Variants in FMN1 observed in about 807,000 individuals in gnomAD.
FMN1 encodes formin-1.
In FMN1, 110 loss-of-function variants were observed where a neutral mutation model predicts 132.4. The ratio of observed to expected loss-of-function variants is 0.83; its 90% CI spans 0.71 to 0.97. The LOEUF (loss-of-function observed/expected upper bound fraction) is 0.97. FMN1 is among the 50% of genes least tolerant of loss of function. FMN1 has a pLI of 0.00. For missense variants in FMN1, 1,792 were observed against 1,705.3 expected (o/e 1.05, Z -0.90); for synonymous variants, 722 against 651.7 (o/e 1.11, Z -1.64).
At chr15:33,019,562 G>A (rs345839) in intron 6 of FMN1, among the ~76,000 whole-genome samples, 1 of 151,920 alleles carries the variant, frequency 6.6e-6, no homozygotes, top group South Asian at 2.1e-4. Flanking sequence ...CTCTGGCAGC[G>A]CAGAAGCCCG....
chr15:32,990,790 G>A (rs1389899876), intron 7 of FMN1, among the ~76,000 whole-genome samples: 1 of 152,150 alleles, frequency 6.6e-6, no homozygotes, highest in African/African-American at 2.4e-5. Context: ...AAGCAAACAT[G>A]TCCTTCTTCA....
chr15:33,144,847 G>T (rs186859435), intron 4 of FMN1, among the ~76,000 whole-genome samples: 236 of 152,148 alleles, frequency 1.6e-3, no homozygotes, highest in Non-Finnish European at 2.0e-3. Flanking sequence ...AATACCAAAA[G>T]GAGTGGGATT....
intron 7 of FMN1, among the ~76,000 whole-genome samples, chr15:33,003,849 T>C (rs1469325261): frequency 3.3e-5 from 5 of 152,106 alleles, no homozygotes; most frequent in African/African-American, 1.2e-4. Flanking sequence ...AACAGAGATA[T>C]AGATCAATGG....
intron 17 of FMN1, among the ~76,000 whole-genome samples, chr15:32,815,790 G>A (rs1229675414): frequency 6.6e-6 from 1 of 152,200 alleles, no homozygotes; most frequent in Non-Finnish European, 1.5e-5. Flanking sequence ...TAATGATGGT[G>A]ATGAACATTC....
chr15:33,036,970 G>A (rs2036220284), intron 6 of FMN1, among the ~76,000 whole-genome samples: 2 of 152,194 alleles, frequency 1.3e-5, no homozygotes, highest in Admixed American at 6.5e-5. Flanking sequence ...AGGAGACAAA[G>A]GAGAATCCAC....
Position 32,856,997 on chromosome 15 carries a change from G to A in FMN1, c.3928+18C>T, listed in dbSNP as rs199614323. 12 of 1,570,360 alleles carry A rather than the reference G, an allele frequency of 7.6e-6. No individual in the cohort carries two copies. In the East Asian group the frequency reaches 2.2e-4, roughly 29 times the overall value. ...TGTTTCAGGGCCACGTGTATGTGCGGCTGACAAAGCTTCCTACCTTTTTGG... is the reference window on the plus strand; with the variant it reads ...TGTTTCAGGGCCACGTGTATGTGCGACTGACAAAGCTTCCTACCTTTTTGG... On this transcript the variant is annotated intron_variant, in intron 17 of 20. Coordinates refer to ENST00000616417, the MANE Select transcript of FMN1 (RefSeq NM_001277313.2).
intron 2 of FMN1, among the ~76,000 whole-genome samples, chr15:33,181,180 T>G (rs1470006332): frequency 6.6e-6 from 1 of 152,202 alleles, no homozygotes; most frequent in Non-Finnish European, 1.5e-5. Flanking sequence ...GGGGCTCACA[T>G]GAGGCCACTC....
At position 32,949,594 on chromosome 15, in the gene FMN1, T is replaced by A. The variant is rs527289064; in HGVS notation, c.3138+14513A>T. ...CATTTAAATGTAAAACCCAAAACTA[T>A]AAAAACTCTAGAAGACAACCTAGGC... On this transcript the variant is annotated intron_variant, in intron 9 of 20. Coordinates refer to ENST00000616417, the MANE Select transcript of FMN1 (RefSeq NM_001277313.2). Among the ~76,000 whole-genome samples, 103 of 151,994 alleles carry A rather than the reference T, an allele frequency of 6.8e-4. 1 individual carries two copies. The highest frequency in any genetic ancestry group is 1.3e-3 in the Admixed American group (20 of 15,264).
chr15:33,000,350 G>A (rs1164143624), intron 7 of FMN1, among the ~76,000 whole-genome samples: 2 of 151,914 alleles, frequency 1.3e-5, no homozygotes, highest in South Asian at 2.1e-4. Context: ...TCGGGAGGCT[G>A]AGGCAGGAGA....
chr15:33,090,233 G>C (rs549625522), intron 4 of FMN1, among the ~76,000 whole-genome samples: 1 of 152,270 alleles, frequency 6.6e-6, no homozygotes, highest in African/African-American at 2.4e-5. Flanking sequence ...CATAATCCCT[G>C]TAAGAGTCTA....
chr15:33,126,062 G>T (rs1172629439), intron 4 of FMN1, among the ~76,000 whole-genome samples: 1 of 152,172 alleles, frequency 6.6e-6, no homozygotes, highest in African/African-American at 2.4e-5. Context: ...AGATAAGGTG[G>T]ATGAAAGGGC....
At chr15:33,062,952 C>A (rs958246710) in intron 6 of FMN1, 1 of 152,056 alleles carries the variant, frequency 6.6e-6, no homozygotes, top group African/African-American at 2.4e-5. Context: ...AAAATATAAC[C>A]CTCCCACAGG....
intron 10 of FMN1, among the ~76,000 whole-genome samples, chr15:32,924,117 T>G (rs933964353): frequency 6.6e-6 from 1 of 152,218 alleles, no homozygotes; most frequent in African/African-American, 2.4e-5. Flanking sequence ...TGTGAATTTT[T>G]CAGAAACTCA....
intron 16 of FMN1, among the ~76,000 whole-genome samples, chr15:32,884,055 T>C (rs765943251): frequency 2.0e-5 from 3 of 150,592 alleles, no homozygotes; most frequent in Non-Finnish European, 4.4e-5. Context: ...TGTTTGTGTA[T>C]GTGTGTGTGT....
chr15:33,145,186 G>T (rs1360402629), intron 4 of FMN1, among the ~76,000 whole-genome samples: 1 of 151,922 alleles, frequency 6.6e-6, no homozygotes, highest in African/African-American at 2.4e-5. Flanking sequence ...GGCTGCACAA[G>T]GTGCCTCTTG....
At chr15:32,786,980 A>T (rs2056901385) in intron 19 of FMN1, among the ~76,000 whole-genome samples, 2 of 152,210 alleles carry the variant, frequency 1.3e-5, no homozygotes, top group Admixed American at 1.3e-4. Flanking sequence ...TTTGATTCTA[A>T]ATAAGTGAGA....
chr15:33,012,841 G>A (rs2034808636), intron 6 of FMN1: 1 of 621,210 alleles, frequency 1.6e-6, no homozygotes, highest in Non-Finnish European at 3.0e-6. Flanking sequence ...CAGTGGGGGT[G>A]GCTATAATGA....
At chr15:32,796,690 T>C (rs2057301236) in intron 19 of FMN1, among the ~76,000 whole-genome samples, 1 of 152,208 alleles carries the variant, frequency 6.6e-6, no homozygotes, top group Non-Finnish European at 1.5e-5. Context: ...AGCTAAAATC[T>C]TTAGCAGACA....
rs75728085 is a variant in FMN1 at position 32,944,014 on chromosome 15, C to T, written c.3139-17753G>A. Among the ~76,000 whole-genome samples, 1,273 of 152,238 alleles carry T rather than the reference C, an allele frequency of 8.4e-3. 23 individuals carry two copies. The highest frequency in any genetic ancestry group is 0.029 in the African/African-American group (1,211 of 41,532). ...GAATCCTTTTATAGCTGTGGCTATT[C>T]TAGTCCCCTCCCTACGATTTCTAAT... On this transcript the variant is annotated intron_variant, in intron 9 of 20. Coordinates refer to ENST00000616417, the MANE Select transcript of FMN1 (RefSeq NM_001277313.2).
Sources: gnomAD v4.1 joint callset for allele counts (sites outside exome capture counted in the v4.1 genomes callset) on GRCh38, gnomAD v4.1.1 for gene constraint, MANE v1.5 for transcripts, NCBI Gene and HGNC (gene_info 2026-07-23, HGNC 2026-07-21) for gene names.